USP10: variants seen among roughly 807,000 people sequenced by gnomAD.
The protein encoded by USP10 is ubiquitin carboxyl-terminal hydrolase 10.
A neutral mutation model predicts 84.5 loss-of-function variants in USP10; 22 were observed. The observed-to-expected ratio is 0.26, with a 90% CI of 0.19 to 0.37. The LOEUF is 0.37. Ranked by LOEUF, USP10 falls within the 10% of genes least tolerant of loss-of-function variation. The pLI is 1.00. For missense variants in USP10, 1,019 were observed against 998.9 expected (o/e 1.02, Z -0.27); for synonymous variants, 454 against 387.6 (o/e 1.17, Z -2.01).
At chr16:84,734,604 G>C (rs1356243799) in intron 2 of USP10, among the ~76,000 whole-genome samples, 1 of 152,108 alleles carries the variant, frequency 6.6e-6, no homozygotes, top group Non-Finnish European at 1.5e-5. Context: ...TTTTGTTGTT[G>C]TTGTTGGATA....
At chr16:84,759,633 C>T (rs1264049352) in intron 6 of USP10, among the ~76,000 whole-genome samples, 161 bp downstream of exon 6, 1 of 151,946 alleles carries the variant, frequency 6.6e-6, no homozygotes, top group African/African-American at 2.4e-5. Context: ...GGAAGTTAAC[C>T]AGAAATGGAA....
intron 1 of USP10, among the ~76,000 whole-genome samples, chr16:84,723,454 A>G (rs2150782191): frequency 2.0e-5 from 3 of 152,358 alleles, no homozygotes; most frequent in Middle Eastern, 6.8e-3. Context: ...TAATAAAAAC[A>G]TGAGAATAAA....
At chr16:84,754,322 A>C (rs1054439673) in intron 4 of USP10, among the ~76,000 whole-genome samples, 1 of 152,176 alleles carries the variant, frequency 6.6e-6, no homozygotes, top group Non-Finnish European at 1.5e-5. Flanking sequence ...CAGAATAATC[A>C]TTAAGAAAAA....
chr16:84,712,903 C>G (rs1388950989), intron 1 of USP10, among the ~76,000 whole-genome samples: 4 of 152,206 alleles, frequency 2.6e-5, no homozygotes, highest in Non-Finnish European at 4.4e-5. Context: ...GAGAGAATGC[C>G]TTCACCAGAG....
At chr16:84,734,987 T>G (rs929118133) in intron 2 of USP10, among the ~76,000 whole-genome samples, 1 of 152,206 alleles carries the variant, frequency 6.6e-6, no homozygotes, top group African/African-American at 2.4e-5. Flanking sequence ...TATCTCTGTA[T>G]AAACACCACA....
At chr16:84,757,302 T>C (rs1912659151) in intron 4 of USP10, among the ~76,000 whole-genome samples, 1 of 152,144 alleles carries the variant, frequency 6.6e-6, no homozygotes. Context: ...AATATTTTAC[T>C]TTCTACAGAA....
chr16:84,717,223 C>T (rs113531592), intron 1 of USP10, among the ~76,000 whole-genome samples: 19 of 151,962 alleles, frequency 1.3e-4, no homozygotes, highest in African/African-American at 3.9e-4. Context: ...TGAAATCATA[C>T]GCAGAAATGT....
chr16:84,759,644 T>C (rs576864822), intron 6 of USP10, among the ~76,000 whole-genome samples, 172 bp downstream of exon 6: 68 of 152,354 alleles, frequency 4.5e-4, no homozygotes, highest in Middle Eastern at 3.4e-3. Flanking sequence ...AGAAATGGAA[T>C]TGGAGCATTG....
chr16:84,771,456 C>T (rs1263933677), intron 11 of USP10, among the ~76,000 whole-genome samples: 1 of 152,062 alleles, frequency 6.6e-6, no homozygotes, highest in Non-Finnish European at 1.5e-5. Flanking sequence ...CATCATGCCA[C>T]TGCACTCCAG....
chr16:84,704,931 T>G, intron 1 of USP10: 1 of 1,533,224 alleles, frequency 6.5e-7, no homozygotes, highest in Non-Finnish European at 8.7e-7. Flanking sequence ...CCTTTTGGGC[T>G]CACATGAGAA....
intron 1 of USP10, among the ~76,000 whole-genome samples, chr16:84,709,784 G>A (rs977106384): frequency 2.0e-5 from 3 of 152,150 alleles, no homozygotes; most frequent in Admixed American, 6.5e-5. Flanking sequence ...AGAAGCACAC[G>A]GACAAGGGCA....
chr16:84,747,883 T>C (rs1911428368), intron 4 of USP10, among the ~76,000 whole-genome samples: 1 of 152,050 alleles, frequency 6.6e-6, no homozygotes, highest in Non-Finnish European at 1.5e-5. Flanking sequence ...ATTTCTTGAA[T>C]ACAGCTTTCA....
chr16:84,774,834 A>G (rs1429352369), intron 12 of USP10, among the ~76,000 whole-genome samples: 3 of 152,090 alleles, frequency 2.0e-5, no homozygotes, highest in Non-Finnish European at 2.9e-5. Flanking sequence ...ATTTTTCACA[A>G]CTGTTTTTGT....
chr16:84,700,528 C>T (rs1165517617), intron 1 of USP10, among the ~76,000 whole-genome samples: 1 of 152,126 alleles, frequency 6.6e-6, no homozygotes, highest in Non-Finnish European at 1.5e-5. Context: ...AGGTTGCTGC[C>T]TCTGCCTGGA....
At chr16:84,743,903 C>T (rs1910909237) in intron 3 of USP10, among the ~76,000 whole-genome samples, 1 of 152,102 alleles carries the variant, frequency 6.6e-6, no homozygotes. Context: ...GGGGTTAATC[C>T]AGTGTGAATT....
chr16:84,759,137 GT>G (rs1463122255), intron 5 of USP10: 1 of 595,444 alleles, frequency 1.7e-6, no homozygotes, highest in Non-Finnish European at 3.0e-6. Flanking sequence ...GTTAGGTCAA[GT>G]TCTTGAATAC....
chr16:84,727,317 A>T (rs1366420532), intron 1 of USP10, among the ~76,000 whole-genome samples: 1 of 152,160 alleles, frequency 6.6e-6, no homozygotes, highest in East Asian at 1.9e-4. Flanking sequence ...ATTTTACCCA[A>T]ACACCTACAA....
intron 4 of USP10, among the ~76,000 whole-genome samples, chr16:84,750,837 C>G (rs767405840): frequency 2.6e-5 from 4 of 152,176 alleles, no homozygotes; most frequent in African/African-American, 4.8e-5. Flanking sequence ...TTGAACAGCT[C>G]TGAAAACATT....
At chr16:84,770,474 G>C (rs1437739850) in intron 11 of USP10, among the ~76,000 whole-genome samples, 1 of 152,136 alleles carries the variant, frequency 6.6e-6, no homozygotes, top group Non-Finnish European at 1.5e-5. Flanking sequence ...TGAGTGATTA[G>C]AAATTAAGCC....
Sources: allele counts gnomAD v4.1 joint callset (sites outside exome capture counted in the v4.1 genomes callset), GRCh38; gene constraint gnomAD v4.1.1; transcripts MANE v1.5; gene names NCBI Gene and HGNC (gene_info 2026-07-23, HGNC 2026-07-21).